Variants in SMDT1 observed in about 807,000 individuals in gnomAD.
SMDT1 encodes the protein single-pass membrane protein with aspartate rich tail 1.
Under a neutral mutation model 5.9 loss-of-function variants are expected in SMDT1, and 6 were observed. The observed-to-expected ratio is 1.03, with a 90% CI of 0.56 to 2.02. SMDT1 has a LOEUF of 2.02. Among genes scored for constraint, SMDT1 ranks in the 30% most tolerant of loss-of-function variants. SMDT1 has a pLI of 0.00. For missense variants in SMDT1, 159 were observed against 145.6 expected (o/e 1.09, Z -0.47); for synonymous variants, 81 against 62.4 (o/e 1.30, Z -1.40).
rs1223061295 is a variant in SMDT1 at position 42,083,986 on chromosome 22, G to GA, written c.*873dup. 1 of 152,182 alleles carries GA rather than the reference G, an allele frequency of 6.6e-6. No individual in the cohort carries two copies. The highest frequency in any genetic ancestry group is 2.4e-5 in the African/African-American group (1 of 41,412). The allele number at this position is 152,182 out of a possible 1,614,324, so 9.4% of individuals were successfully genotyped here. A position where few individuals can be genotyped will look rare whatever the true frequency, so the allele number is the denominator to read the frequency against. On this transcript the variant is annotated 3_prime_UTR_variant, in exon 3 of 3. Transcript: ENST00000331479. ...AGGGATTCTGCCCCATACCTGAGAG[G>GA]AAGAAATGTAGACAGGCCTTGTTGG...
At position 42,079,793 on chromosome 22, in the gene SMDT1, C is replaced by T. The variant is rs201691345; in HGVS notation, c.25C>T (p.Leu9=). Residue 9 remains leucine, a synonymous_variant, in exon 1 of 3, where the codon CTA becomes TTA. Coordinates refer to ENST00000331479, the MANE Select transcript of SMDT1 (RefSeq NM_033318.5). The stretch of plus-strand genomic sequence containing the variant: ...CATGGCGTCCGGAGCGGCTCGCTGG[C>T]TAGTATTGGCACCCGTCAGGTCCGG... The part of the protein sequence containing the change: MASGAARW[L]VLAPVRSGAL... The T allele has an allele frequency of 2.2e-4, 349 of 1,609,346 alleles. No individual in the cohort carries two copies. The highest frequency in any genetic ancestry group is 2.9e-4 in the Non-Finnish European group (337 of 1,179,420).
At chr22:42,082,680 A>G (rs1203417803) in intron 2 of SMDT1, among the ~76,000 whole-genome samples, 4 of 151,916 alleles carry the variant, frequency 2.6e-5, no homozygotes, top group Non-Finnish European at 5.9e-5. Flanking sequence ...GAGTTTTCAC[A>G]CTCATACCCA....
chr22:42,079,836 C>T lies in SMDT1; in HGVS notation c.68C>T (p.Pro23Leu). Residue 23 changes from proline to leucine, a missense_variant, in exon 1 of 3, where the codon CCT becomes CTT. Pro to Leu is a moderately conservative substitution (Grantham distance 98, BLOSUM62 -3). Transcript: ENST00000331479. The part of the protein sequence containing the change: ...PVRSGALRSG[P>L]SLRKDGDVSA... ...AGGTCCGGGGCTCTCCGGAGCGGGC[C>T]TAGCTTGAGGAAAGATGGCGATGTC... 6.2e-7 allele frequency: 1 copy of T among 1,613,958 alleles called. No individual in the cohort carries two copies. The highest frequency in any genetic ancestry group is 1.1e-5 in the South Asian group (1 of 91,080).
chr22:42,080,559 A>G (rs1602510021), intron 1 of SMDT1, among the ~76,000 whole-genome samples: 1 of 152,094 alleles, frequency 6.6e-6, no homozygotes, highest in East Asian at 1.9e-4. Context: ...CCAACACTGA[A>G]CGCTATCACA....
intron 2 of SMDT1, 52 bp from the exon 3 acceptor site, chr22:42,083,067 G>A (rs1927905238): frequency 1.3e-5 from 2 of 152,416 alleles, no homozygotes; most frequent in African/African-American, 2.4e-5. Context: ...TTCAGTCTGC[G>A]GATGGAAGAC....
At chr22:42,080,588 G>C (rs1927702169) in intron 1 of SMDT1, among the ~76,000 whole-genome samples, 1 of 152,074 alleles carries the variant, frequency 6.6e-6, no homozygotes, top group South Asian at 2.1e-4. Flanking sequence ...TTTTTCTAGG[G>C]AAAACGGAAA....
At chr22:42,080,045 C>G (rs1357192358) in intron 1 of SMDT1, 91 bp downstream of exon 1, 1 of 1,350,384 alleles carries the variant, frequency 7.4e-7, no homozygotes, top group East Asian at 2.4e-5. Context: ...GGAGCCAAGG[C>G]CAATCATAAC....
At chr22:42,080,796 T>C (rs1927723120) in intron 1 of SMDT1, among the ~76,000 whole-genome samples, 1 of 152,166 alleles carries the variant, frequency 6.6e-6, no homozygotes, top group South Asian at 2.1e-4. Context: ...ACGAGAGAAA[T>C]GTTGCTGAGA....
At position 42,079,942 on chromosome 22, in the gene SMDT1, C is replaced by T; in HGVS notation, c.174C>T (p.Pro58=). ...VIVTRSGAIL[P]KPVKMSFGLL... ...TTACCCGCAGCGGCGCCATTTTGCCCAAACCGGTGAAAGTGAGTGTCCTCC... is the reference window on the plus strand; with the variant it reads ...TTACCCGCAGCGGCGCCATTTTGCCTAAACCGGTGAAAGTGAGTGTCCTCC... Residue 58 remains proline, a synonymous_variant, in exon 1 of 3, where the codon CCC becomes CCT. Transcript: ENST00000331479. 6.2e-7 allele frequency: 1 copy of T among 1,611,898 alleles called. No homozygotes were observed. The highest frequency in any genetic ancestry group is 8.5e-7 in the Non-Finnish European group (1 of 1,178,568).
rs1444199519 is a variant in SMDT1 at position 42,083,355 on chromosome 22, C to T, written c.*240C>T. Reference sequence around the variant, plus strand: ...TATGAATAAACATAATAAATATCAGCCGTGCGTGACTGAGTGATGGCTGCA... The same window carrying T: ...TATGAATAAACATAATAAATATCAGTCGTGCGTGACTGAGTGATGGCTGCA... On this transcript the variant is annotated 3_prime_UTR_variant, in exon 3 of 3. Coordinates refer to ENST00000331479, the MANE Select transcript of SMDT1 (RefSeq NM_033318.5). The T allele has an allele frequency of 6.6e-6, 1 of 152,454 alleles. No homozygotes were observed. The highest frequency in any genetic ancestry group is 1.5e-5 in the Non-Finnish European group (1 of 68,040). The allele number at this position is 152,454 out of a possible 1,614,324, so 9.4% of individuals were successfully genotyped here.
Position 42,079,830 on chromosome 22 carries a change from G to A in SMDT1, c.62G>A (p.Ser21Asn), listed in dbSNP as rs1213884062. The change falls in exon 1 of 3, where the codon AGC (serine) becomes AAC (asparagine). Residue 21 changes from serine to asparagine, a missense_variant. Transcript: ENST00000331479. ...CCCGTCAGGTCCGGGGCTCTCCGGAGCGGGCCTAGCTTGAGGAAAGATGGC... is the reference window on the plus strand; with the variant it reads ...CCCGTCAGGTCCGGGGCTCTCCGGAACGGGCCTAGCTTGAGGAAAGATGGC... ...LAPVRSGALRSGPSLRKDGDV... is the reference protein window; with the variant it reads ...LAPVRSGALRNGPSLRKDGDV... 1.9e-6 allele frequency: 3 copies of A among 1,613,648 alleles called. No homozygotes were observed. Among genetic ancestry groups the A allele is most frequent in the East Asian group, 2.2e-5 (1 of 44,880 alleles).
At chr22:42,080,403 TGATA>T (rs1204401777) in intron 1 of SMDT1, among the ~76,000 whole-genome samples, 1 of 152,238 alleles carries the variant, frequency 6.6e-6, no homozygotes. Context: ...TTTACAGTCC[TGATA>T]GATGTGCAGG....
intron 1 of SMDT1, among the ~76,000 whole-genome samples, chr22:42,081,598 T>C (rs1927787932): frequency 6.6e-6 from 1 of 151,894 alleles, no homozygotes; most frequent in South Asian, 2.1e-4. Flanking sequence ...GTAGCTGGGA[T>C]TACAGGTGCG....
At chr22:42,080,050 C>G in intron 1 of SMDT1, 96 bp downstream of exon 1, 1 of 1,318,388 alleles carries the variant, frequency 7.6e-7, no homozygotes, top group Non-Finnish European at 1.0e-6. Context: ...CAAGGCCAAT[C>G]ATAACGATTA....
rs1927925643 is a variant in SMDT1 at position 42,083,325 on chromosome 22, C to A, written c.*210C>A. The A allele has an allele frequency of 6.6e-6, 1 of 152,578 alleles. No homozygotes were observed. Among genetic ancestry groups the A allele is most frequent in the African/African-American group, 2.4e-5 (1 of 41,440 alleles). 9.5% of individuals were successfully genotyped at this position (152,578 alleles called of 1,614,324 possible). ...ACTAAGCACTGCACAAACAAGCAATCAAATTATGAATAAACATAATAAATA... is the reference window on the plus strand; with the variant it reads ...ACTAAGCACTGCACAAACAAGCAATAAAATTATGAATAAACATAATAAATA... On this transcript the variant is annotated 3_prime_UTR_variant, in exon 3 of 3. Coordinates refer to ENST00000331479, the MANE Select transcript of SMDT1 (RefSeq NM_033318.5).
rs1927618909 is a variant in SMDT1, at chr22:42,079,866, C to T, written c.98C>T (p.Ala33Val). ...PSLRKDGDVS[A>V]AWSGSGRSLV... ...TTGAGGAAAGATGGCGATGTCTCCG[C>T]CGCATGGAGCGGCTCAGGCCGGAGC... Residue 33 changes from alanine (A) to valine (V), a missense_variant, in exon 1 of 3, where the codon GCC becomes GTC. Transcript: ENST00000331479. The T allele has an allele frequency of 5.0e-6, 8 of 1,614,190 alleles. No individual in the cohort carries two copies. Among genetic ancestry groups the T allele is most frequent in the Non-Finnish European group, 5.9e-6 (7 of 1,180,038 alleles).
chr22:42,080,391 G>A (rs1258931329), intron 1 of SMDT1, among the ~76,000 whole-genome samples: 1 of 152,200 alleles, frequency 6.6e-6, no homozygotes, highest in African/African-American at 2.4e-5. Context: ...TAATTCATGT[G>A]ATTTACAGTC....
Position 42,081,963 on chromosome 22 carries a change from C to T in SMDT1, c.225C>T (p.Ile75=), listed in dbSNP as rs905299305. 1.2e-5 allele frequency: 19 copies of T among 1,614,104 alleles called. No individual in the cohort carries two copies. The highest frequency in any genetic ancestry group is 1.6e-5 in the Non-Finnish European group (19 of 1,180,038). Residue 75 remains isoleucine, a synonymous_variant, in exon 2 of 3, where the codon ATC becomes ATT. Transcript: ENST00000331479. The stretch of plus-strand genomic sequence containing the variant: ...TTCTCCGTGTGTTCTCCATTGTGAT[C>T]CCCTTTCTCTATGTCGGGACACTCA... The part of the protein sequence containing the change: ...FGLLRVFSIV[I]PFLYVGTLIS...
At chr22:42,083,040 G>C (rs1039278596) in intron 2 of SMDT1, 79 bp from the exon 3 acceptor site, 14 of 152,320 alleles carry the variant, frequency 9.2e-5, no homozygotes, top group African/African-American at 3.4e-4. Context: ...TTTGATAGAA[G>C]CACTTTGTGG....
Sources: gnomAD v4.1 joint callset for allele counts (sites outside exome capture counted in the v4.1 genomes callset) on GRCh38, gnomAD v4.1.1 for gene constraint, MANE v1.5 for transcripts, NCBI Gene and HGNC (gene_info 2026-07-23, HGNC 2026-07-21) for gene names.